The following ANO1 variants were observed in gnomAD, a reference collection of about 807,000 sequenced individuals.
ANO1 encodes anoctamin-1.
A neutral mutation model predicts 124.0 loss-of-function variants in ANO1; 59 were observed. The observed-to-expected ratio is 0.48, with a 90% CI of 0.39 to 0.59. The LOEUF is 0.59. ANO1 is among the 20% of genes least tolerant of loss of function. The pLI is 0.00. For synonymous variants in ANO1, 529 were observed against 532.0 expected (o/e 0.99, Z 0.08); for missense variants, 1,059 against 1,328.0 (o/e 0.80, Z 3.15).
At chr11:69,991,296 A>G (rs1554997450) in intron 1 of ANO1, among the ~76,000 whole-genome samples, 2 of 152,240 alleles carry the variant, frequency 1.3e-5, no homozygotes, top group East Asian at 3.8e-4. Context: ...CTTCCTGCAC[A>G]CCAGCTGTCA....
chr11:70,099,016 C>T (rs1565197602), intron 2 of ANO1, among the ~76,000 whole-genome samples: 1 of 152,344 alleles, frequency 6.6e-6, no homozygotes, highest in East Asian at 1.9e-4. Context: ...TCTGCCCCCT[C>T]TGGTTGGGGG....
rs1246733974 is a variant in ANO1, at chr11:70,165,543, A to G, written c.2024A>G (p.Gln675Arg). Residue 675 changes from glutamine (Q) to arginine (R), a missense_variant, in exon 20 of 26, where the codon CAG becomes CGG. Coordinates refer to ENST00000355303, the MANE Select transcript of ANO1 (RefSeq NM_018043.7). ...SIIMLGKQLI[Q>R]NNLFEIGIPK... ...ATCATGCTGGGGAAACAGCTGATCC[A>G]GAACAACCTGTTCGAGATCGGCATC... is the stretch of plus-strand genomic sequence containing the variant. The G allele has an allele frequency of 6.2e-7, 1 of 1,612,118 alleles. No individual in the cohort carries two copies. The highest frequency in any genetic ancestry group is 8.5e-7 in the Non-Finnish European group (1 of 1,179,286).
intron 2 of ANO1, among the ~76,000 whole-genome samples, chr11:70,091,909 G>A (rs1337620101): frequency 6.6e-6 from 1 of 152,174 alleles, no homozygotes; most frequent in South Asian, 2.1e-4. Context: ...GTGCACAACG[G>A]GGCCAGTTCT....
At chr11:70,168,043 C>G (rs1477048956) in intron 21 of ANO1, among the ~76,000 whole-genome samples, 2 of 152,178 alleles carry the variant, frequency 1.3e-5, no homozygotes, top group South Asian at 2.1e-4. Flanking sequence ...GCCTTACCCC[C>G]CTCAATCACG....
chr11:70,157,015 C>A lies in ANO1; in HGVS notation c.1572C>A (p.Ile524=). The A allele has an allele frequency of 6.2e-7, 1 of 1,613,124 alleles. No homozygotes were observed. Among genetic ancestry groups the A allele is most frequent in the Non-Finnish European group, 8.5e-7 (1 of 1,179,540 alleles). ...PAYLTNLVSI[I]FMIAVTFAIV... ...ACCTCACTAACTTGGTCTCCATCAT[C>A]TTCATGGTAAGTTCCAGAAGGTTAA... Residue 524 remains isoleucine (I), a synonymous_variant, in exon 16 of 26, where the codon ATC becomes ATA. Transcript: ENST00000355303.
At chr11:70,167,850 A>G (rs1180347368) in intron 21 of ANO1, among the ~76,000 whole-genome samples, 1 of 151,898 alleles carries the variant, frequency 6.6e-6, no homozygotes, top group Non-Finnish European at 1.5e-5. Flanking sequence ...GAAACCCCCC[A>G]CAATCCAAGG....
the ANO1 span, among the ~76,000 whole-genome samples, chr11:69,973,542 T>C: frequency 3.9e-5 from 6 of 152,168 alleles, no homozygotes; most frequent in Non-Finnish European, 8.8e-5. Context: ...CGAGGCATCA[T>C]AGAGCATCTT....
chr11:69,995,689 G>A lies in ANO1; in HGVS notation c.58+9523G>A, dbSNP rs559206202. 7.2e-5 allele frequency among the ~76,000 whole-genome samples: 11 copies of A among 152,302 alleles called. No individual in the cohort carries two copies. In the South Asian group the frequency reaches 2.3e-3, roughly 32 times the overall value. On this transcript the variant is annotated intron_variant, in intron 1 of 27. Coordinates refer to the ANO1 transcript ENST00000531349. Reference sequence around the variant, plus strand: ...GAGGGAGGAAGACCACCGAGGTAAAGAGCCATTCTCATGGCATCATATCAA... The same window carrying A: ...GAGGGAGGAAGACCACCGAGGTAAAAAGCCATTCTCATGGCATCATATCAA...
chr11:70,102,841 G>T (rs117783271), intron 2 of ANO1, among the ~76,000 whole-genome samples: 1 of 152,100 alleles, frequency 6.6e-6, no homozygotes, highest in Non-Finnish European at 1.5e-5. Flanking sequence ...AAAGTTTCCC[G>T]TATGACCTGG....
chr11:70,113,752 G>T (rs932091277), intron 7 of ANO1, among the ~76,000 whole-genome samples: 1 of 152,104 alleles, frequency 6.6e-6, no homozygotes, highest in African/African-American at 2.4e-5. Context: ...AGAAATGAAC[G>T]TATCTGAGCA....
intron 12 of ANO1, among the ~76,000 whole-genome samples, chr11:70,152,096 G>C (rs2047622032): frequency 6.6e-6 from 1 of 152,164 alleles, no homozygotes; most frequent in Non-Finnish European, 1.5e-5. Context: ...CAGCACTTTG[G>C]GAGGCCGAGG....
chr11:70,087,050 C>T (rs780902385), intron 1 of ANO1, among the ~76,000 whole-genome samples: 1 of 152,244 alleles, frequency 6.6e-6, no homozygotes, highest in Non-Finnish European at 1.5e-5. Flanking sequence ...CAGCCCCTAT[C>T]CATGTGCATG....
intron 9 of ANO1, 144 bp from the exon 10 acceptor site, chr11:70,125,917 G>C (rs145194804): frequency 0.059 from 57,232 of 971,246 alleles, 2,032 homozygotes; most frequent in Middle Eastern, 0.074. Flanking sequence ...TGATGGGGCG[G>C]CCCAGGACCC....
intron 10 of ANO1, among the ~76,000 whole-genome samples, chr11:70,128,306 G>C (rs1015618145): frequency 6.6e-5 from 10 of 152,302 alleles, no homozygotes; most frequent in African/African-American, 2.4e-4. Context: ...TTGTGGTAAA[G>C]ATCAAGGTAG....
chr11:69,983,631 C>G (rs1340520744), upstream of ANO1, among the ~76,000 whole-genome samples: 2 of 152,234 alleles, frequency 1.3e-5, no homozygotes, highest in African/African-American at 4.8e-5. Flanking sequence ...GGCAGCCCAG[C>G]CTTCCCCAGC....
intron 1 of ANO1, among the ~76,000 whole-genome samples, chr11:70,015,435 C>G (rs1025472517): frequency 6.6e-6 from 1 of 152,256 alleles, no homozygotes; most frequent in South Asian, 2.1e-4. Context: ...TCAGCCTCAT[C>G]GCAAGAAGTG....
rs2049206292 is a variant in ANO1, at chr11:70,188,005, C to T, written c.*1C>T. The T allele has an allele frequency of 6.4e-7, 1 of 1,557,196 alleles. No homozygotes were observed. Among genetic ancestry groups the T allele is most frequent in the Non-Finnish European group, 8.7e-7 (1 of 1,151,600 alleles). On this transcript the variant is annotated 3_prime_UTR_variant, in exon 26 of 26. Transcript: ENST00000355303. ...TGCCTACCACGGGGGCGTCCTGTAGCTATGCCAGCGGGGCTGGGCAGGCCA... is the reference window on the plus strand; with the variant it reads ...TGCCTACCACGGGGGCGTCCTGTAGTTATGCCAGCGGGGCTGGGCAGGCCA...
At chr11:70,124,561 C>T (rs1278098544) in intron 9 of ANO1, 147 bp downstream of exon 9, 2 of 756,122 alleles carry the variant, frequency 2.6e-6, no homozygotes, top group South Asian at 3.5e-5. Flanking sequence ...CCCAAAATGT[C>T]CCTGCAGGGC....
chr11:70,112,918 C>T (rs2045844435), intron 7 of ANO1, among the ~76,000 whole-genome samples: 2 of 152,138 alleles, frequency 1.3e-5, no homozygotes, highest in African/African-American at 4.8e-5. Context: ...TGCAGGGATC[C>T]CGCAGGGCAG....
Sources: gnomAD v4.1 joint callset for allele counts (sites outside exome capture counted in the v4.1 genomes callset) on GRCh38, gnomAD v4.1.1 for gene constraint, MANE v1.5 for transcripts, NCBI Gene and HGNC (gene_info 2026-07-23, HGNC 2026-07-21) for gene names.